SNTB1: variants seen among roughly 807,000 people sequenced by gnomAD.
SNTB1 encodes the protein syntrophin beta 1.
In SNTB1, 36 loss-of-function variants were observed where a neutral mutation model predicts 48.9. The observed-to-expected ratio is 0.74, with a 90% confidence interval of 0.56 to 0.97. SNTB1 has a LOEUF of 0.97. SNTB1 is among the 50% of genes least tolerant of loss of function. The pLI is 0.00. For synonymous variants in SNTB1, 299 were observed against 294.6 expected (o/e 1.01, Z -0.15); for missense variants, 786 against 703.4 (o/e 1.12, Z -1.33).
intron 1 of SNTB1, among the ~76,000 whole-genome samples, chr8:120,782,467 T>C (rs779948257): frequency 5.9e-5 from 9 of 152,152 alleles, no homozygotes; most frequent in Non-Finnish European, 1.3e-4. Context: ...AAATACAACA[T>C]TTATTGGTTA....
intron 1 of SNTB1, among the ~76,000 whole-genome samples, chr8:120,740,656 G>A (rs1190032824): frequency 6.6e-6 from 1 of 152,126 alleles, no homozygotes; most frequent in Non-Finnish European, 1.5e-5. Flanking sequence ...CAGCAAATAG[G>A]AAGCTCTGGC....
At chr8:120,722,406 T>C (rs1818677396) in intron 1 of SNTB1, among the ~76,000 whole-genome samples, 1 of 152,180 alleles carries the variant, frequency 6.6e-6, no homozygotes, top group Admixed American at 6.5e-5. Context: ...CTCCAGCACC[T>C]GTTGTTTCCT....
At chr8:120,708,324 T>A (rs971366921) in intron 1 of SNTB1, among the ~76,000 whole-genome samples, 3 of 151,716 alleles carry the variant, frequency 2.0e-5, no homozygotes, top group Non-Finnish European at 4.4e-5. Flanking sequence ...TTAAAGAAAA[T>A]TTTTAAAAAG....
At chr8:120,613,086 A>G (rs971983445) in intron 3 of SNTB1, among the ~76,000 whole-genome samples, 4 of 152,202 alleles carry the variant, frequency 2.6e-5, no homozygotes, top group African/African-American at 9.6e-5. Flanking sequence ...ATGGTGGCTC[A>G]CATCTATAAT....
In SNTB1 at chr8:120,571,356, G is replaced by A. The variant is rs1363468141; in HGVS notation, c.1136+3730C>T. ...CTCAGAATCTGAAGATAATGTTCACGGATGAGGACTGTGGATGCAAAGTAC... is the reference window on the plus strand; with the variant it reads ...CTCAGAATCTGAAGATAATGTTCACAGATGAGGACTGTGGATGCAAAGTAC... On this transcript the variant is annotated intron_variant, in intron 4 of 6. Transcript: ENST00000517992. 6 of 1,287,328 alleles carry A rather than the reference G, an allele frequency of 4.7e-6. 1 individual carries two copies. Among genetic ancestry groups the A allele is most frequent in the African/African-American group, 1.5e-5 (1 of 65,740 alleles). The allele number at this position is 1,287,328 out of a possible 1,614,324, so 79.7% of individuals were successfully genotyped here. A position where few individuals can be genotyped will look rare whatever the true frequency, so the allele number is the denominator to read the frequency against.
chr8:120,602,736 C>T (rs1292775401), intron 3 of SNTB1, among the ~76,000 whole-genome samples: 1 of 151,760 alleles, frequency 6.6e-6, no homozygotes, highest in East Asian at 1.9e-4. Flanking sequence ...ATTTTCTATT[C>T]TATTTAATTA....
At chr8:120,613,851 C>T (rs1017378489) in intron 3 of SNTB1, among the ~76,000 whole-genome samples, 2 of 152,212 alleles carry the variant, frequency 1.3e-5, no homozygotes, top group Admixed American at 6.5e-5. Context: ...TGATTGTGGA[C>T]TCTTCGTTTT....
In SNTB1 at chr8:120,764,148, C is replaced by T. The variant is rs962381898; in HGVS notation, c.571+47125G>A. Among the ~76,000 whole-genome samples the T allele has an allele frequency of 2.1e-4, 32 of 152,044 alleles. No individual in the cohort carries two copies. The East Asian group carries it at 3.1e-3, about 15-fold the overall frequency. ...TTATTCATTATAGTCTTACTTATAG[C>T]GCAAAATATTGGACTCTACAAAATG... is the stretch of plus-strand genomic sequence containing the variant. On this transcript the variant is annotated intron_variant, in intron 1 of 6. Transcript: ENST00000517992.
At chr8:120,571,190 C>G in intron 4 of SNTB1, 1 of 1,238,772 alleles carries the variant, frequency 8.1e-7, no homozygotes, top group South Asian at 1.4e-5. Context: ...TTTCATGTTG[C>G]CTGAGAGTTG....
intron 1 of SNTB1, among the ~76,000 whole-genome samples, chr8:120,714,894 C>T (rs932891435): frequency 6.6e-6 from 1 of 152,130 alleles, no homozygotes; most frequent in African/African-American, 2.4e-5. Context: ...ACACAGGCCA[C>T]CTCTGATATT....
intron 3 of SNTB1, among the ~76,000 whole-genome samples, chr8:120,614,410 C>G (rs1199479196): frequency 6.6e-6 from 1 of 152,234 alleles, no homozygotes. Context: ...AACTCCTTCT[C>G]TGGCATATTA....
chr8:120,728,275 T>C (rs927960461), intron 1 of SNTB1, among the ~76,000 whole-genome samples: 1 of 152,176 alleles, frequency 6.6e-6, no homozygotes, highest in African/African-American at 2.4e-5. Flanking sequence ...ATTACAGGCA[T>C]GAGCCACTGT....
chr8:120,544,790 C>CTTTTT (rs113100073), intron 5 of SNTB1, among the ~76,000 whole-genome samples: 4 of 114,164 alleles, frequency 3.5e-5, no homozygotes, highest in Admixed American at 9.4e-5. Context: ...AAATTCAAAA[C>CTTTTT]TTTTTTTTTT....
intron 4 of SNTB1, among the ~76,000 whole-genome samples, chr8:120,567,328 G>T (rs1180784621): frequency 1.3e-5 from 2 of 151,680 alleles, no homozygotes; most frequent in Non-Finnish European, 2.9e-5. Context: ...GGCAAGGTTT[G>T]CAAACCCTAA....
intron 2 of SNTB1, among the ~76,000 whole-genome samples, chr8:120,691,073 C>G (rs147204619): frequency 1.3e-5 from 2 of 152,362 alleles, no homozygotes; most frequent in African/African-American, 2.4e-5. Context: ...GAAACTTATT[C>G]TCCTCTACTG....
At chr8:120,747,648 G>T (rs772721998) in intron 1 of SNTB1, among the ~76,000 whole-genome samples, 4 of 152,166 alleles carry the variant, frequency 2.6e-5, no homozygotes, top group Non-Finnish European at 5.9e-5. Flanking sequence ...ACATAGAGGA[G>T]AACAGCACAT....
intron 4 of SNTB1, among the ~76,000 whole-genome samples, chr8:120,553,913 G>T (rs1164989170): frequency 6.6e-6 from 1 of 152,114 alleles, no homozygotes; most frequent in Non-Finnish European, 1.5e-5. Flanking sequence ...CAGGAGAATC[G>T]CTTGAACCCA....
At chr8:120,709,356 T>C (rs927516870) in intron 1 of SNTB1, among the ~76,000 whole-genome samples, 3 of 152,140 alleles carry the variant, frequency 2.0e-5, no homozygotes, top group African/African-American at 4.8e-5. Context: ...GAGAGTGAAC[T>C]ATTTCAGTTT....
At chr8:120,560,705 C>T (rs1421464224) in intron 4 of SNTB1, among the ~76,000 whole-genome samples, 4 of 152,130 alleles carry the variant, frequency 2.6e-5, no homozygotes, top group Non-Finnish European at 5.9e-5. Flanking sequence ...TGACTGTCCT[C>T]CATACCTTTC....
Sources: allele counts gnomAD v4.1 joint callset (sites outside exome capture counted in the v4.1 genomes callset), GRCh38; gene constraint gnomAD v4.1.1; transcripts MANE v1.5; gene names NCBI Gene and HGNC (gene_info 2026-07-23, HGNC 2026-07-21).